MMP26: variants seen among roughly 807,000 people sequenced by gnomAD.
The protein encoded by MMP26 is matrix metalloproteinase-26.
A neutral mutation model predicts 31.0 loss-of-function variants in MMP26; 33 were observed. That is an observed-to-expected ratio of 1.06 (90% CI 0.81 to 1.42). MMP26 has a LOEUF of 1.42. Among genes scored for constraint, MMP26 ranks in the 40% most tolerant of loss-of-function variants. The probability of loss-of-function intolerance (pLI) is 0.00; values close to 1 mark genes in which losing one functional copy is unlikely to be tolerated. For synonymous variants in MMP26, 122 were observed against 114.9 expected, an observed-to-expected ratio of 1.06 and a Z score of -0.40; for missense variants, 347 against 316.1, an observed-to-expected ratio of 1.10 and a Z score of -0.74.
At chr11:4,935,086 A>G (rs2079830347) in intron 2 of MMP26, among the ~76,000 whole-genome samples, 1 of 151,728 alleles carries the variant, frequency 6.6e-6, no homozygotes, top group Admixed American at 6.6e-5. Context: ...TATGAACTTT[A>G]AAGTATTTTT....
chr11:4,764,973 A>ACC (rs1463531335), intron 1 of MMP26, among the ~76,000 whole-genome samples: 1 of 152,190 alleles, frequency 6.6e-6, no homozygotes, highest in Non-Finnish European at 1.5e-5. Flanking sequence ...TTCAAGGGAG[A>ACC]CACATGAGGA....
intron 2 of MMP26, chr11:4,769,995 A>G: frequency 1.4e-6 from 1 of 702,730 alleles, no homozygotes; most frequent in South Asian, 1.8e-5. Flanking sequence ...TATGTAAAAT[A>G]TTTAGATACA....
chr11:4,711,309 G>A (rs1847859326), intron 1 of MMP26: 1 of 152,132 alleles, frequency 6.6e-6, no homozygotes, highest in Non-Finnish European at 1.5e-5. Flanking sequence ...ACTTACTTGT[G>A]TATATATTTC....
intron 2 of MMP26, among the ~76,000 whole-genome samples, chr11:4,928,106 A>G (rs1265615068): frequency 7.8e-6 from 1 of 128,058 alleles, no homozygotes; most frequent in African/African-American, 2.8e-5. Context: ...TAGCCATGTG[A>G]CTATATGACC....
In MMP26 at chr11:4,950,279, TAGAA is replaced by T. The variant is rs1455886005; in HGVS notation, c.-144-37786_-144-37783del. On this transcript the variant is annotated intron_variant, in intron 2 of 7. Transcript: ENST00000380390. Reference sequence around the variant, plus strand: ...AAATTTCATAGACAGAATTAATTAATAGAAAGCATTTCCATGGAAAGACCTCTGG... The same window carrying T: ...AAATTTCATAGACAGAATTAATTAATAGCATTTCCATGGAAAGACCTCTGG... 6.5e-5 allele frequency among the ~76,000 whole-genome samples: 8 copies of T among 122,254 alleles called. 2 individuals are homozygous for T. The highest frequency in any genetic ancestry group is 1.5e-4 in the Non-Finnish European group (8 of 53,872). The allele number at this position is 122,254 out of a possible 152,430, so 80.2% of individuals were successfully genotyped here.
intron 2 of MMP26, among the ~76,000 whole-genome samples, chr11:4,962,227 T>A (rs1846531232): frequency 6.6e-6 from 1 of 152,156 alleles, no homozygotes; most frequent in Non-Finnish European, 1.5e-5. Flanking sequence ...TATAAGCAGA[T>A]ATCATTTTAC....
chr11:4,824,775 T>G (rs954415377), intron 2 of MMP26, among the ~76,000 whole-genome samples: 10 of 152,144 alleles, frequency 6.6e-5, no homozygotes, highest in African/African-American at 2.4e-4. Flanking sequence ...GTCTCAGTAG[T>G]GCATTAGCAC....
At chr11:4,827,834 T>TA (rs565981764) in intron 2 of MMP26, among the ~76,000 whole-genome samples, 1,621 of 144,604 alleles carry the variant, frequency 0.011, 12 homozygotes, top group African/African-American at 0.024. Flanking sequence ...TTTTTCTCCC[T>TA]AAAAAAAAAA....
At chr11:4,823,922 A>G (rs1849546984) in intron 2 of MMP26, among the ~76,000 whole-genome samples, 1 of 152,180 alleles carries the variant, frequency 6.6e-6, no homozygotes, top group African/African-American at 2.4e-5. Flanking sequence ...TAACCAAAAG[A>G]GAGCATGATG....
intron 2 of MMP26, among the ~76,000 whole-genome samples, chr11:4,807,611 C>T (rs1397268037): frequency 2.8e-4 from 29 of 104,208 alleles, no homozygotes; most frequent in African/African-American, 1.1e-3. Flanking sequence ...ACACTGGGGG[C>T]CTGTCTGGGG....
chr11:4,847,796 A>C (rs1262883386), intron 2 of MMP26: 2 of 153,702 alleles, frequency 1.3e-5, no homozygotes, highest in Non-Finnish European at 2.9e-5. Context: ...GATTGGTCAG[A>C]ATTCTTACTT....
intron 2 of MMP26, among the ~76,000 whole-genome samples, chr11:4,887,872 A>G (rs1195691000): frequency 6.6e-6 from 1 of 152,144 alleles, no homozygotes; most frequent in African/African-American, 2.4e-5. Context: ...TAAATGGAGA[A>G]TGTTTGAGGT....
Position 4,915,151 on chromosome 11 carries a change from G to A in MMP26, c.-144-72917G>A, listed in dbSNP as rs757807105. On this transcript the variant is annotated intron_variant, in intron 2 of 7. Transcript: ENST00000380390. ...AGAGAACTGGGGAGCCACAATAGGG[G>A]AATCTTTTGAGCATAAAAGGTAATG... is the stretch of plus-strand genomic sequence containing the variant. The A allele has an allele frequency of 2.5e-6, 4 of 1,613,948 alleles. No individual in the cohort carries two copies. The African/African-American group carries it at 5.3e-5, about 22-fold the overall frequency.
At chr11:4,911,760 C>G (rs1198042923) in intron 2 of MMP26, among the ~76,000 whole-genome samples, 1 of 152,176 alleles carries the variant, frequency 6.6e-6, no homozygotes, top group Non-Finnish European at 1.5e-5. Context: ...CAACCCATTA[C>G]CCCACTATGT....
Position 4,988,957 on chromosome 11 carries a change from AC to A in MMP26, c.99+648del, listed in dbSNP as rs111561391. Among the ~76,000 whole-genome samples, 320 of 152,344 alleles carry A rather than the reference AC, an allele frequency of 2.1e-3. 3 individuals are homozygous for A. The highest frequency in any genetic ancestry group is 7.6e-3 in the African/African-American group (315 of 41,576). ...AATGCAGTCATATAATTTAAAAAAA[AC>A]AGTCAATAGGTTTACGTCAAGTACT... On this transcript the variant is annotated intron_variant, in intron 3 of 7. Coordinates refer to ENST00000380390, the MANE Select transcript of MMP26 (RefSeq NM_021801.5).
At chr11:4,782,995 G>T (rs935587881) in intron 2 of MMP26, among the ~76,000 whole-genome samples, 1 of 152,178 alleles carries the variant, frequency 6.6e-6, no homozygotes, top group African/African-American at 2.4e-5. Context: ...TGTAGGGGTG[G>T]GGCTGTCAAG....
chr11:4,740,276 C>T (rs1301905606), intron 1 of MMP26, among the ~76,000 whole-genome samples: 4 of 151,872 alleles, frequency 2.6e-5, no homozygotes, highest in Non-Finnish European at 5.9e-5. Flanking sequence ...TGGCTAGAAC[C>T]ATCAATAGAA....
At chr11:4,900,354 T>C (rs118074199) in intron 2 of MMP26, among the ~76,000 whole-genome samples, 8 of 152,304 alleles carry the variant, frequency 5.3e-5, no homozygotes, top group Admixed American at 1.3e-4. Flanking sequence ...TTTGCTGCCT[T>C]TTGTGGGGTA....
chr11:4,771,093 G>T (rs1213458616), intron 2 of MMP26, among the ~76,000 whole-genome samples: 3 of 152,166 alleles, frequency 2.0e-5, no homozygotes, highest in Non-Finnish European at 4.4e-5. Context: ...AGTAGGCCAT[G>T]TCTAAAGAAG....
Sources: allele counts gnomAD v4.1 joint callset (sites outside exome capture counted in the v4.1 genomes callset), GRCh38; gene constraint gnomAD v4.1.1; transcripts MANE v1.5; gene names NCBI Gene and HGNC (gene_info 2026-07-23, HGNC 2026-07-21).